DNAH9: variants seen among roughly 807,000 people sequenced by gnomAD.
The protein encoded by DNAH9 is dynein axonemal heavy chain 9, also known as DNAH9 variant protein.
A neutral mutation model predicts 471.6 loss-of-function variants in DNAH9; 345 were observed. The observed-to-expected ratio is 0.73, with a 90% CI of 0.67 to 0.80. The LOEUF is 0.80. DNAH9 is among the 30% of genes least tolerant of loss of function. The pLI, the probability that DNAH9 is intolerant of heterozygous loss-of-function variation, is 0.00. For synonymous variants in DNAH9, 2,093 were observed against 2,123.6 expected, an observed-to-expected ratio of 0.99 and a Z score of 0.40; for missense variants, 5,407 against 5,609.2, an observed-to-expected ratio of 0.96 and a Z score of 1.15.
At position 11,868,985 on chromosome 17, in the gene DNAH9, C is replaced by T. The variant is rs1366392174; in HGVS notation, c.9934-149C>T. 3.9e-5 allele frequency: 36 copies of T among 918,206 alleles called. No homozygotes were observed. The East Asian group carries it at 4.7e-4, about 12-fold the overall frequency. 56.9% of individuals were successfully genotyped at this position (918,206 alleles called of 1,614,324 possible). On this transcript the variant is annotated intron_variant, in intron 50 of 68. Transcript: ENST00000262442. ...ATCTTCCCCGAATGTGCTTTCATTTCGTTCTCTGCCCTGCTTTCCCTGGTC... is the reference window on the plus strand; with the variant it reads ...ATCTTCCCCGAATGTGCTTTCATTTTGTTCTCTGCCCTGCTTTCCCTGGTC...
rs115381249 is a variant in DNAH9 at position 11,906,825 on chromosome 17, A to G, written c.11749+1016A>G. Among the ~76,000 whole-genome samples the G allele has an allele frequency of 4.4e-3, 672 of 152,158 alleles. 8 individuals carry two copies. Among genetic ancestry groups the G allele is most frequent in the African/African-American group, 0.015 (629 of 41,526 alleles). On this transcript the variant is annotated intron_variant, in intron 61 of 68. Coordinates refer to ENST00000262442, the MANE Select transcript of DNAH9 (RefSeq NM_001372.4). ...AGTGGGAGCTGAGTGATGAAAACAC[A>G]TGAGCACAAAGAGGGGAAGAACACA...
intron 35 of DNAH9, among the ~76,000 whole-genome samples, chr17:11,762,773 T>TTTTTG (rs1967751437): frequency 9.2e-6 from 1 of 109,226 alleles, no homozygotes; most frequent in African/African-American, 4.2e-5. Flanking sequence ...TTTTTTTGTT[T>TTTTTG]TTTTTTTTTT....
intron 59 of DNAH9, among the ~76,000 whole-genome samples, chr17:11,898,425 C>A (rs1973294246): frequency 6.6e-6 from 1 of 152,136 alleles, no homozygotes; most frequent in South Asian, 2.1e-4. Context: ...CTGGCCCTTT[C>A]CGTTTCTTAT....
At chr17:11,887,320 A>G (rs1200337931) in intron 57 of DNAH9, among the ~76,000 whole-genome samples, 1 of 152,236 alleles carries the variant, frequency 6.6e-6, no homozygotes, top group African/African-American at 2.4e-5. Context: ...CTTAAAATAT[A>G]ATAGACAATC....
At chr17:11,831,953 G>A (rs756886185) in intron 48 of DNAH9, among the ~76,000 whole-genome samples, 6 of 152,152 alleles carry the variant, frequency 3.9e-5, no homozygotes, top group Non-Finnish European at 8.8e-5. Context: ...CCATGGTCCC[G>A]ATTCAGGGGA....
chr17:11,858,319 C>G (rs190308726), intron 50 of DNAH9, among the ~76,000 whole-genome samples: 6 of 152,294 alleles, frequency 3.9e-5, no homozygotes, highest in Non-Finnish European at 5.9e-5. Flanking sequence ...CACATCAGAG[C>G]CTGCTACCTA....
intron 50 of DNAH9, among the ~76,000 whole-genome samples, chr17:11,857,220 C>G (rs974685761): frequency 1.3e-5 from 2 of 152,136 alleles, no homozygotes; most frequent in Non-Finnish European, 2.9e-5. Flanking sequence ...CATGACGGGC[C>G]CACTCAACCT....
chr17:11,760,805 G>A (rs537866910), intron 35 of DNAH9, among the ~76,000 whole-genome samples: 11 of 152,234 alleles, frequency 7.2e-5, no homozygotes, highest in Admixed American at 1.3e-4. Flanking sequence ...GGCGTGAGCC[G>A]CCGCGCCCGG....
At position 11,598,848 on chromosome 17, in the gene DNAH9, G is replaced by GCGGCGCAGTGGTCTGCGGGGAC; in HGVS notation, c.352_373dup (p.Leu125ArgfsTer31). 1 of 1,525,116 alleles carries GCGGCGCAGTGGTCTGCGGGGAC rather than the reference G, an allele frequency of 6.6e-7. No homozygotes were observed. The highest frequency in any genetic ancestry group is 8.8e-7 in the Non-Finnish European group (1 of 1,141,664). The allele number at this position is 1,525,116 out of a possible 1,614,324, so 94.5% of individuals were successfully genotyped here. ...GAGCCTCCAGGGCCCGACAGCTTCC[G>GCGGCGCAGTGGTCTGCGGGGAC]CGGCGCAGTGGTCTGCGGGGACCTG... On this transcript the variant is annotated frameshift_variant, in exon 1 of 69. Transcript: ENST00000262442. LOFTEE classifies it high-confidence loss of function.
Position 11,868,533 on chromosome 17 carries a change from T to A in DNAH9, c.9934-601T>A, listed in dbSNP as rs184645822. ...CATTGTGTTAATGGGAGAGACTAGA[T>A]GAGGTTAAGTAAAAGTTACCTTGTA... is the stretch of plus-strand genomic sequence containing the variant. On this transcript the variant is annotated intron_variant, in intron 50 of 68. Transcript: ENST00000262442. Among the ~76,000 whole-genome samples, 40 of 152,214 alleles carry A rather than the reference T, an allele frequency of 2.6e-4. No individual in the cohort carries two copies. The South Asian group carries it at 3.3e-3, about 13-fold the overall frequency.
intron 61 of DNAH9, among the ~76,000 whole-genome samples, chr17:11,913,777 G>A (rs370442007): frequency 1.7e-4 from 25 of 146,260 alleles, no homozygotes; most frequent in African/African-American, 5.8e-4. Context: ...GTGAGACCCC[G>A]TCTCAAAAAA....
rs1290177554 is a variant in DNAH9, at chr17:11,694,604, T to TGC, written c.4872+157_4872+158insGC. ...CAGCATCATCACATACCTCGGAGCT[T>TGC]TCTTGCTTTCTTGCTTTCTTGCTTT... On this transcript the variant is annotated intron_variant, in intron 22 of 68. Transcript: ENST00000262442. Among the ~76,000 whole-genome samples, 17 of 8,262 alleles carry TGC rather than the reference T, an allele frequency of 2.1e-3. 1 individual carries two copies. Among genetic ancestry groups the TGC allele is most frequent in the Middle Eastern group, 0.25 (1 of 4 alleles). 5.4% of individuals were successfully genotyped at this position (8,262 alleles called of 152,430 possible). A position where few individuals can be genotyped will look rare whatever the true frequency, so the allele number is the denominator to read the frequency against.
intron 49 of DNAH9, among the ~76,000 whole-genome samples, chr17:11,836,502 A>T (rs1166928646): frequency 6.6e-6 from 1 of 152,186 alleles, no homozygotes; most frequent in Non-Finnish European, 1.5e-5. Context: ...GGAATTTGTT[A>T]TATCATTGGG....
At chr17:11,712,306 A>G (rs1308011266) in intron 26 of DNAH9, among the ~76,000 whole-genome samples, 1 of 151,286 alleles carries the variant, frequency 6.6e-6, no homozygotes, top group Non-Finnish European at 1.5e-5. Context: ...TTTTATAGAT[A>G]TACCACATGC....
chr17:11,958,433 C>A (rs1013877101), intron 67 of DNAH9, among the ~76,000 whole-genome samples: 1 of 152,142 alleles, frequency 6.6e-6, no homozygotes, highest in Non-Finnish European at 1.5e-5. Flanking sequence ...ATGACATATA[C>A]TAAAATGGTG....
At chr17:11,736,246 C>T (rs1457464329) in intron 28 of DNAH9, among the ~76,000 whole-genome samples, 2 of 152,134 alleles carry the variant, frequency 1.3e-5, no homozygotes, top group Non-Finnish European at 2.9e-5. Context: ...TACTCAGGAT[C>T]GTCCCTCGTA....
At chr17:11,799,310 C>T (rs1294712168) in intron 43 of DNAH9, among the ~76,000 whole-genome samples, 1 of 152,118 alleles carries the variant, frequency 6.6e-6, no homozygotes, top group African/African-American at 2.4e-5. Flanking sequence ...AAGTAGTTAT[C>T]CGTTATCTCT....
At chr17:11,737,152 A>T (rs997920495) in intron 28 of DNAH9, among the ~76,000 whole-genome samples, 2 of 152,244 alleles carry the variant, frequency 1.3e-5, no homozygotes, top group Non-Finnish European at 2.9e-5. Flanking sequence ...GATATTCTGC[A>T]CGTAGAAAAG....
chr17:11,893,421 G>A (rs1973123256), intron 58 of DNAH9, among the ~76,000 whole-genome samples: 1 of 116,268 alleles, frequency 8.6e-6, no homozygotes, highest in African/African-American at 2.8e-5. Flanking sequence ...GTTTATTGCA[G>A]CACTATTTAC....
Sources: gnomAD v4.1 joint callset for allele counts (sites outside exome capture counted in the v4.1 genomes callset) on GRCh38, gnomAD v4.1.1 for gene constraint, MANE v1.5 for transcripts, NCBI Gene and HGNC (gene_info 2026-07-23, HGNC 2026-07-21) for gene names.